The following EFCAB3 variants were observed in gnomAD, a reference collection of about 807,000 sequenced individuals.
EFCAB3 encodes EF-hand calcium binding domain 3.
Under a neutral mutation model 42.2 loss-of-function variants are expected in EFCAB3, and 36 were observed. The ratio of observed to expected loss-of-function variants is 0.85; its 90% CI spans 0.65 to 1.13. The LOEUF is 1.13. Ranked by LOEUF, EFCAB3 falls within the 50% of genes most tolerant of loss-of-function variation. The probability of loss-of-function intolerance (pLI) is 0.00; values close to 1 mark genes in which losing one functional copy is unlikely to be tolerated. For synonymous variants in EFCAB3, 170 were observed against 172.8 expected (o/e 0.98, Z 0.13); for missense variants, 418 against 505.1 (o/e 0.83, Z 1.65).
At chr17:62,411,059 C>A (rs944401869) in intron 8 of EFCAB3, among the ~76,000 whole-genome samples, 9 of 152,088 alleles carry the variant, frequency 5.9e-5, no homozygotes, top group African/African-American at 1.9e-4. Context: ...CCTTAAAAAC[C>A]GGTTTTAGAT....
chr17:62,380,983 C>T (rs111578797), intron 1 of EFCAB3, among the ~76,000 whole-genome samples: 1 of 152,112 alleles, frequency 6.6e-6, no homozygotes, highest in South Asian at 2.1e-4. Flanking sequence ...AGTGAACTAT[C>T]AAATACACTC....
At chr17:62,400,686 C>T (rs2070393150) in intron 6 of EFCAB3, among the ~76,000 whole-genome samples, 1 of 152,146 alleles carries the variant, frequency 6.6e-6, no homozygotes, top group Non-Finnish European at 1.5e-5. Context: ...CCACAATAAA[C>T]ATACATGTGC....
At chr17:62,398,206 C>A in intron 6 of EFCAB3, 1 of 184,040 alleles carries the variant, frequency 5.4e-6, no homozygotes. Flanking sequence ...GTAATTCCAA[C>A]ACTTTGGGAG....
chr17:62,407,173 T>C lies in EFCAB3; in HGVS notation c.828T>C (p.Phe276=). Reference sequence around the variant, plus strand: ...GAATAAAGGAGCCTTTGCATTTCTTTGAGGATTATTTTTTCCATAAAAGAG... The same window carrying C: ...GAATAAAGGAGCCTTTGCATTTCTTCGAGGATTATTTTTTCCATAAAAGAG... ...MLRIKEPLHF[F]EDYFFHKRDW... The change falls in exon 8 of 10, where the codon TTT becomes TTC. Residue 276 remains phenylalanine, a synonymous_variant. Coordinates refer to ENST00000305286, the MANE Select transcript of EFCAB3 (RefSeq NM_173503.4). 1 of 1,599,206 alleles carries C rather than the reference T, an allele frequency of 6.3e-7. No homozygotes were observed. The highest frequency in any genetic ancestry group is 2.2e-5 in the East Asian group (1 of 44,778).
chr17:62,395,378 A>C (rs1033157393), intron 6 of EFCAB3, among the ~76,000 whole-genome samples, 190 bp downstream of exon 6: 1 of 152,162 alleles, frequency 6.6e-6, no homozygotes, highest in African/African-American at 2.4e-5. Context: ...AGTCCTTCCC[A>C]GCTCTAAAAC....
At chr17:62,411,457 G>A (rs2070494131) in intron 8 of EFCAB3, among the ~76,000 whole-genome samples, 1 of 152,114 alleles carries the variant, frequency 6.6e-6, no homozygotes, top group Non-Finnish European at 1.5e-5. Flanking sequence ...TGAAAATGGA[G>A]ACAAAGAAAA....
At chr17:62,387,208 A>G (rs900639043) in intron 2 of EFCAB3, 132 bp from the exon 3 acceptor site, 3 of 545,522 alleles carry the variant, frequency 5.5e-6, no homozygotes, top group Non-Finnish European at 9.3e-6. Flanking sequence ...TAAATAGAAG[A>G]TCCCTTAGGA....
intron 1 of EFCAB3, among the ~76,000 whole-genome samples, chr17:62,382,438 G>A (rs1339682752): frequency 1.3e-5 from 2 of 152,048 alleles, no homozygotes; most frequent in African/African-American, 4.8e-5. Flanking sequence ...GTGTGTGTGT[G>A]TAGTGAGAAC....
intron 4 of EFCAB3, among the ~76,000 whole-genome samples, chr17:62,392,871 T>C (rs1266772631): frequency 6.6e-6 from 1 of 152,078 alleles, no homozygotes; most frequent in Non-Finnish European, 1.5e-5. Flanking sequence ...TCTCCTGACT[T>C]CGTGATCCGC....
At position 62,387,379 on chromosome 17, in the gene EFCAB3, A is replaced by G; in HGVS notation, c.114A>G (p.Gln38=). The G allele has an allele frequency of 1.9e-6, 3 of 1,612,020 alleles. No individual in the cohort carries two copies. The highest frequency in any genetic ancestry group is 2.5e-6 in the Non-Finnish European group (3 of 1,178,816). Residue 38 remains glutamine, a synonymous_variant, in exon 3 of 10, where the codon CAA becomes CAG. Transcript: ENST00000305286. ...CAGGATCTCTTCAATGCCAATTACAACACAAAGAAAAGAAGCTAAGTGCTT... is the reference window on the plus strand; with the variant it reads ...CAGGATCTCTTCAATGCCAATTACAGCACAAAGAAAAGAAGCTAAGTGCTT... ...DLPGSLQCQL[Q]HKEKKLSASQ...
chr17:62,411,214 C>T (rs1324300966), intron 8 of EFCAB3, among the ~76,000 whole-genome samples: 2 of 152,018 alleles, frequency 1.3e-5, no homozygotes, highest in Admixed American at 1.3e-4. Context: ...ATAATCTACT[C>T]TCAAAAAAAG....
upstream of EFCAB3, chr17:62,377,902 C>A: frequency 8.0e-7 from 1 of 1,252,746 alleles, no homozygotes. Context: ...TAAATTATGC[C>A]CTCCTAGTCT....
At chr17:62,388,258 T>C (rs987724745) in intron 3 of EFCAB3, among the ~76,000 whole-genome samples, 5 of 151,878 alleles carry the variant, frequency 3.3e-5, no homozygotes, top group African/African-American at 1.2e-4. Context: ...TAAATTACAA[T>C]ATAACACAAG....
chr17:62,373,295 AT>A (rs1314178113), intron 1 of EFCAB3, among the ~76,000 whole-genome samples: 3 of 148,648 alleles, frequency 2.0e-5, no homozygotes, highest in Non-Finnish European at 3.0e-5. Context: ...AAAAAAAAAA[AT>A]GTAGAAATAG....
chr17:62,395,047 T>C, intron 5 of EFCAB3, 21 bp from the exon 6 acceptor site: 1 of 1,610,246 alleles, frequency 6.2e-7, no homozygotes, highest in Non-Finnish European at 8.5e-7. Context: ...TAAAAATCTA[T>C]CTTTTGTTTT....
intron 8 of EFCAB3, among the ~76,000 whole-genome samples, chr17:62,413,064 A>G (rs1278255715): frequency 6.6e-6 from 1 of 152,178 alleles, no homozygotes; most frequent in Non-Finnish European, 1.5e-5. Flanking sequence ...ACATACTGAA[A>G]TAAACTCTGG....
At chr17:62,407,567 A>G (rs1024273522) in intron 8 of EFCAB3, among the ~76,000 whole-genome samples, 1 of 152,148 alleles carries the variant, frequency 6.6e-6, no homozygotes, top group Non-Finnish European at 1.5e-5. Flanking sequence ...ACACCATGAG[A>G]TGAGAAGACC....
intron 6 of EFCAB3, among the ~76,000 whole-genome samples, chr17:62,396,951 A>G (rs2070355473): frequency 6.6e-6 from 1 of 152,202 alleles, no homozygotes; most frequent in Non-Finnish European, 1.5e-5. Context: ...TCACCTCCCT[A>G]ATTAGTATAT....
chr17:62,384,542 G>A (rs1394768072), intron 2 of EFCAB3, among the ~76,000 whole-genome samples: 3 of 152,186 alleles, frequency 2.0e-5, no homozygotes, highest in African/African-American at 7.2e-5. Flanking sequence ...TCGAGCCTAG[G>A]AGGCAGAGGT....
Sources: gnomAD v4.1 joint callset for allele counts (sites outside exome capture counted in the v4.1 genomes callset) on GRCh38, gnomAD v4.1.1 for gene constraint, MANE v1.5 for transcripts, NCBI Gene and HGNC (gene_info 2026-07-23, HGNC 2026-07-21) for gene names.